NTRK3: variants seen among roughly 807,000 people sequenced by gnomAD.
The protein encoded by NTRK3 is neurotrophic receptor tyrosine kinase 3, also known as NT-3 growth factor receptor.
Under a neutral mutation model 91.7 loss-of-function variants are expected in NTRK3, and 24 were observed. That is an observed-to-expected ratio of 0.26 (90% CI 0.19 to 0.37). The LOEUF is 0.37. Among genes scored for constraint, NTRK3 ranks in the 10% least tolerant of loss-of-function variants. The probability of loss-of-function intolerance (pLI) is 1.00; values close to 1 mark genes in which losing one functional copy is unlikely to be tolerated. For synonymous variants in NTRK3, 483 were observed against 404.0 expected (o/e 1.20, Z -2.34); for missense variants, 880 against 1,068.9 (o/e 0.82, Z 2.46).
rs118080923 is a variant in NTRK3, at chr15:88,030,484, C to T, written c.1585+2373G>A. Among the ~76,000 whole-genome samples the T allele has an allele frequency of 4.3e-3, 653 of 152,258 alleles. 3 individuals carry two copies. The highest frequency in any genetic ancestry group is 0.017 in the Middle Eastern group (5 of 294). ...AGAGTCATCCCATCTGGCAACTGTGCGGATAACCTGGTATCAGGAGCTTCT... is the reference window on the plus strand; with the variant it reads ...AGAGTCATCCCATCTGGCAACTGTGTGGATAACCTGGTATCAGGAGCTTCT... On this transcript the variant is annotated intron_variant, in intron 14 of 18. Coordinates refer to ENST00000394480, the Ensembl canonical transcript of NTRK3.
chr15:87,999,862 C>A (rs1412366243), intron 14 of NTRK3, among the ~76,000 whole-genome samples: 2 of 152,050 alleles, frequency 1.3e-5, no homozygotes, highest in African/African-American at 4.8e-5. Context: ...TTCCATAGAA[C>A]CAGACAAATT....
chr15:88,149,080 G>C (rs1315290494), intron 5 of NTRK3, among the ~76,000 whole-genome samples: 4 of 152,196 alleles, frequency 2.6e-5, no homozygotes, highest in African/African-American at 9.7e-5. Context: ...TGGATTCCTG[G>C]GTCTAGAGCT....
At chr15:88,218,924 C>T (rs2050017425) in intron 3 of NTRK3, among the ~76,000 whole-genome samples, 2 of 152,244 alleles carry the variant, frequency 1.3e-5, no homozygotes, top group African/African-American at 2.4e-5. Context: ...AGGCCTTCCT[C>T]CATTCCAGTG....
At chr15:87,895,080 T>A (rs2066045444) in intron 17 of NTRK3, among the ~76,000 whole-genome samples, 2 of 152,134 alleles carry the variant, frequency 1.3e-5, no homozygotes, top group South Asian at 4.1e-4. Context: ...AACCCAGGGC[T>A]TGAAAGGAAA....
intron 14 of NTRK3, among the ~76,000 whole-genome samples, 175 bp downstream of exon 14, chr15:88,032,682 G>C (rs1160201041): frequency 6.6e-6 from 1 of 152,074 alleles, no homozygotes; most frequent in Non-Finnish European, 1.5e-5. Flanking sequence ...TGGTCCCGGG[G>C]ACTCCTGGCT....
At chr15:87,969,887 A>C (rs761950172) in intron 14 of NTRK3, among the ~76,000 whole-genome samples, 30 of 152,124 alleles carry the variant, frequency 2.0e-4, no homozygotes, top group Non-Finnish European at 3.7e-4. Flanking sequence ...ATCTGCTTCC[A>C]CCCTCATCCA....
intron 3 of NTRK3, among the ~76,000 whole-genome samples, chr15:88,193,188 C>T (rs553342097): frequency 2.0e-5 from 3 of 152,108 alleles, no homozygotes; most frequent in South Asian, 2.1e-4. Context: ...CTGCACGGCC[C>T]TCACCCTGGC....
chr15:88,038,471 C>T (rs965003257), intron 13 of NTRK3, among the ~76,000 whole-genome samples: 10 of 152,138 alleles, frequency 6.6e-5, no homozygotes, highest in South Asian at 2.1e-4. Flanking sequence ...TATAGGGCTA[C>T]GGCTGGCACT....
At chr15:88,159,332 G>C (rs1350823330) in intron 5 of NTRK3, among the ~76,000 whole-genome samples, 1 of 152,186 alleles carries the variant, frequency 6.6e-6, no homozygotes, top group Non-Finnish European at 1.5e-5. Flanking sequence ...GAGGTTAGAG[G>C]GAACACAAGC....
exon 14 of NTRK3, chr15:88,033,040 C>T (rs757039497): frequency 2.4e-5 from 38 of 1,580,094 alleles, no homozygotes; most frequent in African/African-American, 8.1e-5. Context: ...ATGACAGCCA[C>T]GGGACCTGCA....
intron 10 of NTRK3, among the ~76,000 whole-genome samples, chr15:88,132,986 A>G (rs2041514334): frequency 6.6e-6 from 1 of 152,118 alleles, no homozygotes; most frequent in Non-Finnish European, 1.5e-5. Context: ...CCAGGGTAGT[A>G]GATTGCAAAG....
chr15:88,154,164 T>C (rs1470243972), intron 5 of NTRK3, among the ~76,000 whole-genome samples: 1 of 148,070 alleles, frequency 6.8e-6, no homozygotes, highest in African/African-American at 2.5e-5. Flanking sequence ...AGCAGCCTAC[T>C]GCCCACTTCT....
At chr15:88,227,143 C>T (rs11857904) in intron 3 of NTRK3, among the ~76,000 whole-genome samples, 9,034 of 152,220 alleles carry the variant, frequency 0.059, 925 homozygotes, top group African/African-American at 0.21. Context: ...TATTCTCTCT[C>T]TCCCAAATCC....
chr15:87,905,947 G>A lies in NTRK3; in HGVS notation c.2133+23244C>T, dbSNP rs1288455067. ...AGCAGAAGTTGCTGTGCCTTCATGCGCAATCAGCAAAGACATGGACAACCA... is the reference window on the plus strand; with the variant it reads ...AGCAGAAGTTGCTGTGCCTTCATGCACAATCAGCAAAGACATGGACAACCA... On this transcript the variant is annotated intron_variant, in intron 17 of 18. Transcript: ENST00000394480. Among the ~76,000 whole-genome samples, 6 of 152,152 alleles carry A rather than the reference G, an allele frequency of 3.9e-5. No homozygotes were observed. In the East Asian group the frequency reaches 5.8e-4, roughly 15 times the overall value.
intron 13 of NTRK3, among the ~76,000 whole-genome samples, chr15:88,046,600 A>G (rs2080223817): frequency 6.6e-6 from 1 of 152,088 alleles, no homozygotes; most frequent in African/African-American, 2.4e-5. Flanking sequence ...CACATACTTC[A>G]TCCTTGTCCC....
At chr15:88,023,040 G>A (rs574802802) in intron 14 of NTRK3, among the ~76,000 whole-genome samples, 24 of 152,230 alleles carry the variant, frequency 1.6e-4, no homozygotes, top group African/African-American at 5.3e-4. Flanking sequence ...TTAATTTCAG[G>A]GAAATGGCTT....
exon 19 of NTRK3, chr15:87,876,357 C>A (rs1201010000): frequency 4.3e-6 from 1 of 230,046 alleles, no homozygotes. Context: ...AGGCAAGGAC[C>A]CTGCTCAGGC....
chr15:88,019,099 A>G (rs1658626525), intron 14 of NTRK3, among the ~76,000 whole-genome samples: 1 of 152,166 alleles, frequency 6.6e-6, no homozygotes, highest in African/African-American at 2.4e-5. Context: ...CTAGCCTTGA[A>G]CATTAGCAGG....
chr15:88,082,492 A>G (rs1002128807), intron 13 of NTRK3, among the ~76,000 whole-genome samples: 21 of 152,130 alleles, frequency 1.4e-4, no homozygotes, highest in Admixed American at 1.1e-3. Context: ...CCAGTGTCCC[A>G]AGAAAGTTCT....
Sources: allele counts gnomAD v4.1 joint callset (sites outside exome capture counted in the v4.1 genomes callset), GRCh38; gene constraint gnomAD v4.1.1; transcripts MANE v1.5; gene names NCBI Gene and HGNC (gene_info 2026-07-23, HGNC 2026-07-21).